Variants in SPRED1 observed in about 807,000 individuals in gnomAD.
SPRED1 encodes the protein sprouty related EVH1 domain containing 1.
SPRED1 carries 18 observed loss-of-function variants against 52.3 expected under a neutral mutation model. The observed-to-expected ratio is 0.34, with a 90% CI of 0.24 to 0.51. The LOEUF (loss-of-function observed/expected upper bound fraction) is 0.51. Ranked by LOEUF, SPRED1 falls within the 20% of genes least tolerant of loss-of-function variation. SPRED1 has a pLI of 0.97. For missense variants in SPRED1, 485 were observed against 551.0 expected, an observed-to-expected ratio of 0.88 and a Z score of 1.20; for synonymous variants, 155 against 179.7, an observed-to-expected ratio of 0.86 and a Z score of 1.10.
intron 5 of SPRED1, among the ~76,000 whole-genome samples, chr15:38,347,487 A>ATTTT (rs1896165658): frequency 2.4e-5 from 1 of 41,782 alleles, no homozygotes; most frequent in African/African-American, 1.1e-4. Context: ...TTTTTTTTTC[A>ATTTT]ATTTGGCTGT....
chr15:38,296,702 C>T (rs566831299), intron 1 of SPRED1, among the ~76,000 whole-genome samples: 4 of 152,290 alleles, frequency 2.6e-5, no homozygotes, highest in East Asian at 1.9e-4. Context: ...TATTCATCTT[C>T]GTGTCCATTG....
intron 1 of SPRED1, among the ~76,000 whole-genome samples, chr15:38,256,010 A>T (rs1014985648): frequency 6.6e-6 from 1 of 152,160 alleles, no homozygotes; most frequent in Non-Finnish European, 1.5e-5. Context: ...ATTATTTGAA[A>T]TTAAAGTTTT....
At chr15:38,260,453 A>G (rs894421004) in intron 1 of SPRED1, among the ~76,000 whole-genome samples, 3 of 152,202 alleles carry the variant, frequency 2.0e-5, no homozygotes, top group East Asian at 3.8e-4. Flanking sequence ...GGACTTCTAC[A>G]TGTATTTTGG....
chr15:38,349,436 G>T lies in SPRED1; in HGVS notation c.597G>T (p.Gln199His). 6.2e-7 allele frequency: 1 copy of T among 1,612,082 alleles called. No individual in the cohort carries two copies. The change falls in exon 6 of 7, where the codon CAG becomes CAT. Residue 199 changes from glutamine (Q) to histidine (H), a missense_variant. Around this residue, in one of 5 missense-constraint regions of SPRED1, gnomAD observed 232 missense variants for 231.8 expected, o/e 1.00. Transcript: ENST00000299084. ...QSQANQITFG[Q>H]PGLDIQSRSM... ...TTGTATTTTAGATAACATTTGGTCA[G>T]CCAGGCTTGGACATTCAGAGCAGAA...
Position 38,283,458 on chromosome 15 carries a change from T to C in SPRED1, c.33-15915T>C, listed in dbSNP as rs1894737244. ...AGACAAGGTCAGCATGTTTATTTTG[T>C]GAAATATATTACAGATTTTGTGATT... On this transcript the variant is annotated intron_variant, in intron 1 of 6. Coordinates refer to ENST00000299084, the MANE Select transcript of SPRED1 (RefSeq NM_152594.3). 5.2e-6 allele frequency: 5 copies of C among 956,570 alleles called. No individual in the cohort carries two copies. In the Admixed American group the frequency reaches 2.5e-4, roughly 47 times the overall value. The allele number at this position is 956,570 out of a possible 1,614,324, so 59.3% of individuals were successfully genotyped here. A position where few individuals can be genotyped will look rare whatever the true frequency, so the allele number is the denominator to read the frequency against.
chr15:38,341,671 G>A (rs1400484016), intron 5 of SPRED1, among the ~76,000 whole-genome samples: 3 of 151,862 alleles, frequency 2.0e-5, no homozygotes, highest in South Asian at 4.2e-4. Context: ...AATATTTGGG[G>A]TTTTCTGGTT....
At chr15:38,292,993 A>G (rs958932668) in intron 1 of SPRED1, among the ~76,000 whole-genome samples, 2 of 152,110 alleles carry the variant, frequency 1.3e-5, no homozygotes, top group African/African-American at 4.8e-5. Context: ...ATCTACATGC[A>G]TAACCTCATT....
At chr15:38,268,980 G>C (rs1221890186) in intron 1 of SPRED1, among the ~76,000 whole-genome samples, 1 of 142,488 alleles carries the variant, frequency 7.0e-6, no homozygotes, top group East Asian at 2.1e-4. Flanking sequence ...CCGCTCCGTC[G>C]CCTAGGCTGG....
At chr15:38,293,531 C>G (rs1310955635) in intron 1 of SPRED1, among the ~76,000 whole-genome samples, 1 of 152,148 alleles carries the variant, frequency 6.6e-6, no homozygotes, top group Non-Finnish European at 1.5e-5. Context: ...AGATCTTCGT[C>G]TTTCTAATCA....
chr15:38,339,635 CTTAT>C, intron 4 of SPRED1, 98 bp from the exon 5 acceptor site: 1 of 1,220,634 alleles, frequency 8.2e-7, no homozygotes, highest in Middle Eastern at 1.9e-4. Flanking sequence ...GCGATATATA[CTTAT>C]TGACTTGCTA....
intron 1 of SPRED1, among the ~76,000 whole-genome samples, chr15:38,267,846 A>G (rs1186704063): frequency 6.6e-6 from 1 of 152,190 alleles, no homozygotes; most frequent in Non-Finnish European, 1.5e-5. Flanking sequence ...ACAGTAACAA[A>G]CACATTCTGC....
rs767679657 is a variant in SPRED1 at position 38,355,945 on chromosome 15, AGGTAT to A, written c.*4282_*4286del. ...AACCAAAAGAAAAAAAAAGGCTTTA[AGGTAT>A]TAGGTACTGTTTGCCTAGCAGCCAG... On this transcript the variant is annotated 3_prime_UTR_variant, in exon 7 of 7. Coordinates refer to ENST00000299084, the MANE Select transcript of SPRED1 (RefSeq NM_152594.3). The A allele has an allele frequency of 6.6e-6, 1 of 152,204 alleles. No individual in the cohort carries two copies. Among genetic ancestry groups the A allele is most frequent in the East Asian group, 1.9e-4 (1 of 5,202 alleles). 9.4% of individuals were successfully genotyped at this position (152,204 alleles called of 1,614,324 possible).
At chr15:38,299,813 C>T (rs377746205) in intron 2 of SPRED1, among the ~76,000 whole-genome samples, 2 of 151,992 alleles carry the variant, frequency 1.3e-5, no homozygotes, top group Admixed American at 6.6e-5. Flanking sequence ...GTTATTCAAC[C>T]GGTAACATCC....
intron 6 of SPRED1, among the ~76,000 whole-genome samples, chr15:38,350,208 A>C (rs1888452981): frequency 6.6e-6 from 1 of 152,144 alleles, no homozygotes; most frequent in Non-Finnish European, 1.5e-5. Flanking sequence ...GGTTGTTGGT[A>C]GGTTTGGTTT....
chr15:38,331,799 T>G (rs1895812287), intron 4 of SPRED1, among the ~76,000 whole-genome samples: 1 of 152,162 alleles, frequency 6.6e-6, no homozygotes, highest in South Asian at 2.1e-4. Context: ...GTTGATAACA[T>G]AAGTTTGCCA....
chr15:38,301,874 AT>A lies in SPRED1; in HGVS notation c.207+2338del, dbSNP rs67902425. ...CATTTTCCTGAGTTCTAGTTTCTTG[AT>A]TTTTTTTTTTAAAGAAGTATTATGT... is the stretch of plus-strand genomic sequence containing the variant. On this transcript the variant is annotated intron_variant, in intron 2 of 6. Transcript: ENST00000299084. 2.2e-3 allele frequency among the ~76,000 whole-genome samples: 338 copies of A among 151,074 alleles called. 1 individual carries two copies. The highest frequency in any genetic ancestry group is 7.8e-3 in the African/African-American group (320 of 40,840).
chr15:38,264,563 G>GT (rs35263920), intron 1 of SPRED1, among the ~76,000 whole-genome samples: 117,540 of 151,714 alleles, frequency 0.77, 46,942 homozygotes, highest in Non-Finnish European at 0.87. Context: ...CTGCTAAAAT[G>GT]TTTTTTTTAA....
intron 2 of SPRED1, among the ~76,000 whole-genome samples, chr15:38,302,340 C>G (rs760995272): frequency 2.6e-5 from 4 of 151,856 alleles, no homozygotes; most frequent in Admixed American, 6.6e-5. Context: ...AAAAATAAGT[C>G]TTGTTACGAT....
At chr15:38,282,849 G>A (rs1249797767) in intron 1 of SPRED1, among the ~76,000 whole-genome samples, 1 of 151,938 alleles carries the variant, frequency 6.6e-6, no homozygotes, top group South Asian at 2.1e-4. Flanking sequence ...AGCTTTGTAA[G>A]TCCCTCGCTG....
Sources: allele counts gnomAD v4.1 joint callset (sites outside exome capture counted in the v4.1 genomes callset), GRCh38; gene constraint gnomAD v4.1.1; regional missense constraint gnomAD v4.1.1; transcripts MANE v1.5; gene names NCBI Gene and HGNC (gene_info 2026-07-23, HGNC 2026-07-21).